The following USF3 variants were observed in gnomAD, a reference collection of about 807,000 sequenced individuals.
USF3 encodes the protein upstream transcription factor family member 3.
Under a neutral mutation model 157.5 loss-of-function variants are expected in USF3, and 29 were observed. The ratio of observed to expected loss-of-function variants is 0.18; its 90% CI spans 0.14 to 0.25. The LOEUF (loss-of-function observed/expected upper bound fraction) is 0.25. USF3 is among the 10% of genes least tolerant of loss of function. USF3 has a pLI of 1.00. For synonymous variants in USF3, 893 were observed against 941.4 expected, an observed-to-expected ratio of 0.95 and a Z score of 0.94; for missense variants, 2,381 against 2,667.6, an observed-to-expected ratio of 0.89 and a Z score of 2.37.
At chr3:113,675,167 T>C (rs971747845) in intron 2 of USF3, among the ~76,000 whole-genome samples, 3 of 152,194 alleles carry the variant, frequency 2.0e-5, no homozygotes, top group Admixed American at 6.5e-5. Flanking sequence ...CACTGCAGGC[T>C]TGGAAATCAA....
intron 1 of USF3, among the ~76,000 whole-genome samples, chr3:113,688,668 G>C (rs745418101): frequency 2.0e-5 from 3 of 152,222 alleles, no homozygotes; most frequent in Non-Finnish European, 4.4e-5. Flanking sequence ...GTTGAATGAA[G>C]GAATGAGTGA....
intron 1 of USF3, 82 bp from the exon 2 acceptor site, chr3:113,677,479 G>A (rs1707308196): frequency 6.6e-6 from 1 of 152,166 alleles, no homozygotes; most frequent in African/African-American, 2.4e-5. Flanking sequence ...GACAACCTAT[G>A]GCATGCAAGC....
chr3:113,653,052 T>C lies in USF3; in HGVS notation c.*1892A>G. On this transcript the variant is annotated 3_prime_UTR_variant, in exon 7 of 7. Coordinates refer to ENST00000316407, the MANE Select transcript of USF3 (RefSeq NM_001009899.4). The stretch of plus-strand genomic sequence containing the variant: ...ACACTCCAGCCTGGGTGACAGAGTC[T>C]CAAAAAAAAAAGAAAAGAAGAAAGA... 1.1e-5 allele frequency: 4 copies of C among 364,414 alleles called. No homozygotes were observed. The allele number at this position is 364,414 out of a possible 1,614,324, so 22.6% of individuals were successfully genotyped here. A position where few individuals can be genotyped will look rare whatever the true frequency, so the allele number is the denominator to read the frequency against.
intron 1 of USF3, among the ~76,000 whole-genome samples, chr3:113,693,847 G>A (rs903552965): frequency 1.1e-4 from 16 of 152,350 alleles, no homozygotes; most frequent in African/African-American, 3.4e-4. Context: ...GAGGAAAGGT[G>A]TCCATATCCT....
chr3:113,679,918 C>A (rs1477471177), intron 1 of USF3, among the ~76,000 whole-genome samples: 2 of 150,948 alleles, frequency 1.3e-5, no homozygotes, highest in Non-Finnish European at 2.9e-5. Flanking sequence ...TATACAACTG[C>A]ATGTGAATTT....
At position 113,660,989 on chromosome 3, in the gene USF3, A is replaced by T; in HGVS notation, c.693T>A (p.Ile231=). 6.2e-7 allele frequency: 1 copy of T among 1,614,148 alleles called. No individual in the cohort carries two copies. Among genetic ancestry groups the T allele is most frequent in the South Asian group, 1.1e-5 (1 of 91,080 alleles). ...QPVPLCLPAA[I]SAQSILELPT... Reference sequence around the variant, plus strand: ...GAAGCTCGAGAATACTCTGAGCAGAAATGGCAGCAGGAAGACAAAGAGGAA... The same window carrying T: ...GAAGCTCGAGAATACTCTGAGCAGATATGGCAGCAGGAAGACAAAGAGGAA... The change falls in exon 7 of 7, where the codon ATT becomes ATA. Residue 231 remains isoleucine, a synonymous_variant. Transcript: ENST00000316407.
At position 113,659,389 on chromosome 3, in the gene USF3, T is replaced by C. The variant is rs1406210874; in HGVS notation, c.2293A>G (p.Ser765Gly). ...TAAGTACTAGCTAGTGTGGCTGAAC[T>C]ATCTGTTGTCACAGGAGGTGCTGCA... Reference protein sequence around the residue: ...TTAAPPVTTDSSATLASTYNL... With the variant: ...TTAAPPVTTDGSATLASTYNL... The change falls in exon 7 of 7, where the codon AGT (serine) becomes GGT (glycine). Residue 765 changes from serine (S) to glycine (G), a missense_variant. Around this residue, in one of 6 missense-constraint regions of USF3, gnomAD observed 1,435 missense variants for 1,550.9 expected, o/e 0.93. Coordinates refer to ENST00000316407, the MANE Select transcript of USF3 (RefSeq NM_001009899.4). The C allele has an allele frequency of 3.1e-6, 5 of 1,614,236 alleles. No homozygotes were observed. The highest frequency in any genetic ancestry group is 4.2e-6 in the Non-Finnish European group (5 of 1,180,032).
chr3:113,671,934 A>C (rs888668236), intron 4 of USF3, among the ~76,000 whole-genome samples: 1 of 151,480 alleles, frequency 6.6e-6, no homozygotes, highest in Non-Finnish European at 1.5e-5. Flanking sequence ...ATGCCTGGCT[A>C]ATTTTTTTTT....
intron 1 of USF3, among the ~76,000 whole-genome samples, chr3:113,685,925 T>G (rs561813445): frequency 6.6e-6 from 1 of 152,228 alleles, no homozygotes; most frequent in South Asian, 2.1e-4. Context: ...TACTTTTCCC[T>G]CTTCTGCTGG....
rs1947337732 is a variant in USF3 at position 113,655,477 on chromosome 3, G to A, written c.6205C>T (p.Pro2069Ser). The stretch of plus-strand genomic sequence containing the variant: ...ATTGGTGGATTCATGCCACCCTCAG[G>A]AATAAAAGAAAAACCAAAATTTTGT... ...LSQNFGFSFI[P>S]EGGMNPPINA... Residue 2069 changes from proline (P) to serine (S), a missense_variant, in exon 7 of 7, where the codon CCT (proline) becomes TCT (serine). Around this residue, in one of 6 missense-constraint regions of USF3, gnomAD observed 770 missense variants for 824.2 expected, o/e 0.93. Transcript: ENST00000316407. 2 of 1,613,952 alleles carry A rather than the reference G, an allele frequency of 1.2e-6. No individual in the cohort carries two copies. Among genetic ancestry groups the A allele is most frequent in the Admixed American group, 1.7e-5 (1 of 59,996 alleles).
intron 2 of USF3, 48 bp downstream of exon 2, chr3:113,677,234 G>A (rs1290842367): frequency 6.6e-6 from 1 of 152,156 alleles, no homozygotes; most frequent in Non-Finnish European, 1.5e-5. Context: ...TGATGGTGGG[G>A]AACATGTAAT....
In USF3 at chr3:113,659,748, G is replaced by A. The variant is rs762712548; in HGVS notation, c.1934C>T (p.Ala645Val). The A allele has an allele frequency of 1.5e-5, 25 of 1,614,200 alleles. No individual in the cohort carries two copies. The highest frequency in any genetic ancestry group is 5.0e-5 in the Admixed American group (3 of 60,028). The change falls in exon 7 of 7, where the codon GCG becomes GTG. Residue 645 changes from alanine (A) to valine (V), a missense_variant. Ala to Val is a moderately conservative substitution (Grantham distance 64). Transcript: ENST00000316407. ...AGAAAAAGTTTGTGTTGAGTTAGAC[G>A]CTGATAAAGATGAAGGTCTTGGTAA... The part of the protein sequence containing the change: ...HILPRPSSLS[A>V]SNSTQTFSVT...
chr3:113,680,175 A>G (rs1707379939), intron 1 of USF3, among the ~76,000 whole-genome samples: 1 of 145,764 alleles, frequency 6.9e-6, no homozygotes, highest in Admixed American at 7.3e-5. Flanking sequence ...CAGGACTGGT[A>G]TTAGTTCTTC....
chr3:113,694,977 G>A (rs531466133), intron 1 of USF3, among the ~76,000 whole-genome samples: 34 of 152,282 alleles, frequency 2.2e-4, no homozygotes, highest in Admixed American at 1.4e-3. Flanking sequence ...CCCAGGAGGC[G>A]GAGGTTGCAG....
chr3:113,648,978 T>C lies in USF3; in HGVS notation c.*5966A>G, dbSNP rs1397209467. The C allele has an allele frequency of 6.6e-6, 1 of 152,514 alleles. No homozygotes were observed. Among genetic ancestry groups the C allele is most frequent in the Non-Finnish European group, 1.5e-5 (1 of 68,022 alleles). 9.4% of individuals were successfully genotyped at this position (152,514 alleles called of 1,614,324 possible). A position where few individuals can be genotyped will look rare whatever the true frequency, so the allele number is the denominator to read the frequency against. On this transcript the variant is annotated 3_prime_UTR_variant, in exon 7 of 7. Coordinates refer to ENST00000316407, the MANE Select transcript of USF3 (RefSeq NM_001009899.4). ...ACACAACTGCAGCATCTTAACACTATCTGGTCCCTTTCTTCTTGGAAGATC... is the reference window on the plus strand; with the variant it reads ...ACACAACTGCAGCATCTTAACACTACCTGGTCCCTTTCTTCTTGGAAGATC...
At chr3:113,674,665 A>G (rs936858875) in intron 3 of USF3, among the ~76,000 whole-genome samples, 167 bp downstream of exon 3, 1 of 152,180 alleles carries the variant, frequency 6.6e-6, no homozygotes, top group Non-Finnish European at 1.5e-5. Flanking sequence ...TTTTAACCAT[A>G]TACCTTTTTC....
In USF3 at chr3:113,661,409, C is replaced by T. The variant is rs770857155; in HGVS notation, c.273G>A (p.Lys91=). ...GGATTTCTTCCAGTTGTTTCCGTAGCTTTTTTATTTCTTCAGCTATAATAT... is the reference window on the plus strand; with the variant it reads ...GGATTTCTTCCAGTTGTTTCCGTAGTTTTTTTATTTCTTCAGCTATAATAT... The part of the protein sequence containing the change: ...GNNEQAEEIK[K]LRKQLEEIQK... The change falls in exon 7 of 7, where the codon AAG becomes AAA. Residue 91 remains lysine (K), a synonymous_variant. Coordinates refer to ENST00000316407, the MANE Select transcript of USF3 (RefSeq NM_001009899.4). 2 of 1,554,710 alleles carry T rather than the reference C, an allele frequency of 1.3e-6. No individual in the cohort carries two copies. The highest frequency in any genetic ancestry group is 1.7e-6 in the Non-Finnish European group (2 of 1,155,850).
rs1341825411 is a variant in USF3 at position 113,687,233 on chromosome 3, A to ACACACACATATG, written c.-135+9136_-135+9137insCATATGTGTGTG. ...TTGTGCCCTTTACACACACAGTCAC[A>ACACACACATATG]CACACACACACACACACACACACAC... is the stretch of plus-strand genomic sequence containing the variant. On this transcript the variant is annotated intron_variant, in intron 1 of 6. Transcript: ENST00000316407. Among the ~76,000 whole-genome samples, 330 of 102,244 alleles carry ACACACACATATG rather than the reference A, an allele frequency of 3.2e-3. 1 individual carries two copies. Among genetic ancestry groups the ACACACACATATG allele is most frequent in the African/African-American group, 0.012 (315 of 25,820 alleles). The allele number at this position is 102,244 out of a possible 152,430, so 67.1% of individuals were successfully genotyped here.
intron 1 of USF3, among the ~76,000 whole-genome samples, chr3:113,687,229 T>TCA (rs67480409): frequency 0.052 from 5,280 of 102,488 alleles, 76 homozygotes; most frequent in Non-Finnish European, 0.062. Flanking sequence ...ACACACACAG[T>TCA]CACACACACA....
Sources: gnomAD v4.1 joint callset for allele counts (sites outside exome capture counted in the v4.1 genomes callset) on GRCh38, gnomAD v4.1.1 for gene constraint, gnomAD v4.1.1 regional missense constraint, MANE v1.5 for transcripts, NCBI Gene and HGNC (gene_info 2026-07-23, HGNC 2026-07-21) for gene names.